Variants in NBAS observed in about 807,000 individuals in gnomAD.
NBAS encodes NAG/BC035112 fusion.
NBAS carries 219 observed loss-of-function variants against 302.5 expected under a neutral mutation model. That is an observed-to-expected ratio of 0.72 (90% CI 0.65 to 0.81). NBAS has a LOEUF of 0.81. NBAS is among the 30% of genes least tolerant of loss of function. The pLI is 0.00. For missense variants in NBAS, 2,932 were observed against 2,841.6 expected (o/e 1.03, Z -0.72); for synonymous variants, 1,118 against 1,021.6 (o/e 1.09, Z -1.80).
chr2:14,928,097 G>A, the NBAS span, among the ~76,000 whole-genome samples: 5 of 152,148 alleles, frequency 3.3e-5, no homozygotes, highest in South Asian at 1.0e-3. Context: ...TGTTAGTTTT[G>A]TAAGTGGTTA....
the NBAS span, among the ~76,000 whole-genome samples, chr2:14,843,405 C>T: frequency 6.6e-6 from 1 of 152,080 alleles, no homozygotes. Flanking sequence ...TGATCTAATA[C>T]TTAGAAAAAT....
chr2:15,330,696 CT>C lies in NBAS; in HGVS notation c.4248del (p.Val1417SerfsTer26). The C allele has an allele frequency of 4.3e-6, 7 of 1,614,080 alleles. No homozygotes were observed. The highest frequency in any genetic ancestry group is 5.9e-6 in the Non-Finnish European group (7 of 1,179,976). ...LLRWTTATTM[K>X]VLSNTTTTTK... ...GTGGTGGTTGTGGTGTTGGAAAGGA[CT>C]TTCATGGTGGTAGCAGTGGTCCAGC... On this transcript the variant is annotated frameshift_variant, in exon 36 of 52. Coordinates refer to ENST00000281513, the MANE Select transcript of NBAS (RefSeq NM_015909.4). LOFTEE classifies it high-confidence loss of function.
chr2:14,973,913 C>G, the NBAS span, among the ~76,000 whole-genome samples: 970 of 152,296 alleles, frequency 6.4e-3, 5 homozygotes, highest in African/African-American at 0.021. Flanking sequence ...CTTTCTCCAG[C>G]TTTGTCTCCA....
intron 16 of NBAS, among the ~76,000 whole-genome samples, chr2:15,472,559 A>C (rs11693457): frequency 0.63 from 95,189 of 151,854 alleles, 30,565 homozygotes; most frequent in Middle Eastern, 0.68. Flanking sequence ...GGTCTTCTAA[A>C]CCCCAACCTC....
At chr2:15,511,078 C>G in intron 10 of NBAS, 134 bp downstream of exon 10, 2 of 1,069,572 alleles carry the variant, frequency 1.9e-6, no homozygotes, top group South Asian at 3.0e-5. Flanking sequence ...AAAATTATAC[C>G]AGCATTAATT....
In NBAS at chr2:15,238,370, G is replaced by T. The variant is rs905073974; in HGVS notation, c.5943+98C>A. Reference sequence around the variant, plus strand: ...GGACAATTTTCAAGGATATCTGCAAGCCTGAAAACCCTGTCAAAACGACTA... The same window carrying T: ...GGACAATTTTCAAGGATATCTGCAATCCTGAAAACCCTGTCAAAACGACTA... On this transcript the variant is annotated intron_variant, in intron 45 of 51. Transcript: ENST00000281513. The T allele has an allele frequency of 5.8e-6, 7 of 1,216,260 alleles. No homozygotes were observed. In the African/African-American group the frequency reaches 9.1e-5, roughly 16 times the overall value. 75.3% of individuals were successfully genotyped at this position (1,216,260 alleles called of 1,614,324 possible). A position where few individuals can be genotyped will look rare whatever the true frequency, so the allele number is the denominator to read the frequency against.
the NBAS span, among the ~76,000 whole-genome samples, chr2:15,141,444 A>G: frequency 1.3e-5 from 2 of 152,240 alleles, no homozygotes; most frequent in East Asian, 1.9e-4. Flanking sequence ...AGGATGTAGC[A>G]TCAGCGAATG....
intron 35 of NBAS, among the ~76,000 whole-genome samples, chr2:15,331,124 G>T (rs1489660435): frequency 6.6e-6 from 1 of 152,064 alleles, no homozygotes; most frequent in Non-Finnish European, 1.5e-5. Flanking sequence ...AATACATTTT[G>T]AAGTATTTAT....
chr2:15,004,646 G>T, the NBAS span, among the ~76,000 whole-genome samples: 1 of 148,436 alleles, frequency 6.7e-6, no homozygotes, highest in Non-Finnish European at 1.5e-5. Context: ...GACAACAGGC[G>T]CAGACCACCA....
At chr2:15,277,585 T>C (rs1669643680) in intron 42 of NBAS, among the ~76,000 whole-genome samples, 1 of 152,222 alleles carries the variant, frequency 6.6e-6, no homozygotes, top group South Asian at 2.1e-4. Flanking sequence ...GAGTCTTGAA[T>C]TAATATTCAA....
intron 26 of NBAS, 115 bp downstream of exon 26, chr2:15,402,053 A>T: frequency 9.1e-7 from 1 of 1,102,538 alleles, no homozygotes; most frequent in Non-Finnish European, 1.4e-6. Flanking sequence ...TTTCTTCCTT[A>T]TGTTTTTTTC....
intron 44 of NBAS, among the ~76,000 whole-genome samples, chr2:15,239,232 TAGAAATC>T (rs1667745970): frequency 6.6e-6 from 1 of 152,072 alleles, no homozygotes; most frequent in East Asian, 1.9e-4. Context: ...TGTTAAAACT[TAGAAATC>T]AGAATATAAA....
chr2:14,910,812 G>A, the NBAS span, among the ~76,000 whole-genome samples: 1 of 152,148 alleles, frequency 6.6e-6, no homozygotes, highest in South Asian at 2.1e-4. Flanking sequence ...TCTTTGTTGG[G>A]GCTAAACTAT....
the NBAS span, among the ~76,000 whole-genome samples, chr2:14,965,073 T>A: frequency 6.6e-6 from 1 of 151,868 alleles, no homozygotes; most frequent in South Asian, 2.1e-4. Context: ...ATACCTGCAT[T>A]AGAAAAGAAT....
At chr2:15,105,461 A>G in the NBAS span, among the ~76,000 whole-genome samples, 2 of 148,254 alleles carry the variant, frequency 1.3e-5, no homozygotes. Flanking sequence ...ACTACTTACA[A>G]AAAAAAAAAG....
intron 16 of NBAS, among the ~76,000 whole-genome samples, chr2:15,470,511 T>C (rs750244533): frequency 3.3e-5 from 5 of 152,200 alleles, no homozygotes; most frequent in African/African-American, 1.2e-4. Context: ...GACATGGAAA[T>C]ATAGCAGTGA....
rs1181205013 is a variant in NBAS at position 15,417,536 on chromosome 2, CA to C, written c.2753del (p.Leu918ArgfsTer2). 2 of 1,612,042 alleles carry C rather than the reference CA, an allele frequency of 1.2e-6. No individual in the cohort carries two copies. The highest frequency in any genetic ancestry group is 1.3e-5 in the African/African-American group (1 of 74,842). ...QMKDIEKLRL[L>X]MNSCSEDKYV... The stretch of plus-strand genomic sequence containing the variant: ...TTAAAATAAAACCTACACTATTCAT[CA>C]GTAATCTTAGTTTTTCAATGTCTTT... On this transcript the variant is annotated frameshift_variant, in exon 24 of 52. Coordinates refer to ENST00000281513, the MANE Select transcript of NBAS (RefSeq NM_015909.4). LOFTEE classifies it high-confidence loss of function.
At chr2:15,345,130 T>C (rs111427889) in intron 35 of NBAS, among the ~76,000 whole-genome samples, 6 of 152,116 alleles carry the variant, frequency 3.9e-5, no homozygotes, top group Non-Finnish European at 5.9e-5. Flanking sequence ...CCGCTCCTAT[T>C]CAACATAGTA....
the NBAS span, among the ~76,000 whole-genome samples, chr2:14,903,742 G>A: frequency 2.0e-5 from 3 of 152,280 alleles, no homozygotes; most frequent in Non-Finnish European, 4.4e-5. Flanking sequence ...TGGTTTCAAA[G>A]GAATCGGGGA....
Sources: gnomAD v4.1 joint callset for allele counts (sites outside exome capture counted in the v4.1 genomes callset) on GRCh38, gnomAD v4.1.1 for gene constraint, MANE v1.5 for transcripts, NCBI Gene and HGNC (gene_info 2026-07-23, HGNC 2026-07-21) for gene names.